RBM47: variants seen among roughly 807,000 people sequenced by gnomAD.
RBM47 encodes RNA-binding protein 47.
In RBM47, 21 loss-of-function variants were observed where a neutral mutation model predicts 47.1. That is an observed-to-expected ratio of 0.45 (90% CI 0.32 to 0.64). RBM47 has a LOEUF of 0.64. Ranked by LOEUF, RBM47 falls within the 30% of genes least tolerant of loss-of-function variation. The pLI is 0.05. For missense variants in RBM47, 708 were observed against 870.9 expected, an observed-to-expected ratio of 0.81 and a Z score of 2.35; for synonymous variants, 375 against 361.7, an observed-to-expected ratio of 1.04 and a Z score of -0.42.
intron 1 of RBM47, among the ~76,000 whole-genome samples, chr4:40,545,703 A>AAAT (rs1280692849): frequency 6.6e-6 from 1 of 151,614 alleles, no homozygotes; most frequent in Admixed American, 6.6e-5. Context: ...ATAAATAAAT[A>AAAT]AAAGAGAAAG....
chr4:40,486,474 G>A (rs543002390), intron 2 of RBM47, among the ~76,000 whole-genome samples: 6 of 152,230 alleles, frequency 3.9e-5, no homozygotes, highest in South Asian at 4.1e-4. Flanking sequence ...GATAGAAATC[G>A]AAACAGTGAG....
intron 1 of RBM47, among the ~76,000 whole-genome samples, chr4:40,570,007 C>T (rs781489418): frequency 4.6e-5 from 7 of 152,004 alleles, no homozygotes; most frequent in Admixed American, 1.3e-4. Context: ...CCACTATGTC[C>T]GGCCAAAAAT....
intron 3 of RBM47, among the ~76,000 whole-genome samples, chr4:40,465,199 G>A (rs890844587): frequency 1.8e-4 from 27 of 152,036 alleles, no homozygotes; most frequent in Admixed American, 1.2e-3. Flanking sequence ...CATCAGTGTC[G>A]CTGGCAGCCC....
chr4:40,507,420 T>C (rs927197406), intron 2 of RBM47, among the ~76,000 whole-genome samples: 3 of 152,192 alleles, frequency 2.0e-5, no homozygotes, highest in Non-Finnish European at 2.9e-5. Flanking sequence ...CAAAAATTGC[T>C]AAATGAAAGT....
chr4:40,423,669 TTTC>T lies in RBM47; in HGVS notation c.*2232_*2234del. The T allele has an allele frequency of 1.1e-5, 1 of 92,072 alleles. No homozygotes were observed. Among genetic ancestry groups the T allele is most frequent in the African/African-American group, 5.7e-5 (1 of 17,434 alleles). 5.7% of individuals were successfully genotyped at this position (92,072 alleles called of 1,614,324 possible). ...TTCTTTCTTTTTCTTTCTTTCTTTCTTTCTTTCTTTCTTTCTTTCTTTCTTTCT... is the reference window on the plus strand; with the variant it reads ...TTCTTTCTTTTTCTTTCTTTCTTTCTTTTCTTTCTTTCTTTCTTTCTTTCT... On this transcript the variant is annotated 3_prime_UTR_variant, in exon 7 of 7. Transcript: ENST00000295971.
At chr4:40,544,023 T>G (rs1728788136) in intron 2 of RBM47, 2 of 152,122 alleles carry the variant, frequency 1.3e-5, no homozygotes, top group Non-Finnish European at 2.9e-5. Context: ...CAGACCTGTT[T>G]GCATAAGGTG....
Position 40,608,985 on chromosome 4 carries a change from T to TTTTATTTATTTA in RBM47, c.-240+20399_-240+20410dup, listed in dbSNP as rs369701422. ...TTTGGCTATGTCTCCATACCTCTTC[T>TTTTATTTATTTA]TTTATTTATTTATTTATTTATTTAT... On this transcript the variant is annotated intron_variant, in intron 1 of 6. Coordinates refer to ENST00000295971, the MANE Select transcript of RBM47 (RefSeq NM_001098634.2). 1.1e-3 allele frequency among the ~76,000 whole-genome samples: 169 copies of TTTTATTTATTTA among 152,012 alleles called. 1 individual carries two copies. Among genetic ancestry groups the TTTTATTTATTTA allele is most frequent in the African/African-American group, 3.7e-3 (154 of 41,444 alleles).
intron 1 of RBM47, among the ~76,000 whole-genome samples, chr4:40,546,153 T>A (rs543647736): frequency 6.6e-6 from 1 of 152,158 alleles, no homozygotes; most frequent in African/African-American, 2.4e-5. Context: ...TTTAAGTAAA[T>A]ACTTTTTTTT....
intron 3 of RBM47, among the ~76,000 whole-genome samples, chr4:40,466,042 G>A (rs1717960865): frequency 6.6e-6 from 1 of 152,116 alleles, no homozygotes; most frequent in South Asian, 2.1e-4. Context: ...TGAGGTGGGT[G>A]AATCTCTTGA....
chr4:40,586,351 G>C (rs1578016783), intron 1 of RBM47, among the ~76,000 whole-genome samples: 1 of 152,222 alleles, frequency 6.6e-6, no homozygotes, highest in East Asian at 1.9e-4. Flanking sequence ...ACCAGAGAAA[G>C]AGAGTCTGGA....
chr4:40,611,699 G>T (rs1417283348), intron 1 of RBM47, among the ~76,000 whole-genome samples: 1 of 152,064 alleles, frequency 6.6e-6, no homozygotes, highest in Non-Finnish European at 1.5e-5. Flanking sequence ...TTGCACTCCA[G>T]CCTGGGCAAC....
intron 3 of RBM47, among the ~76,000 whole-genome samples, chr4:40,462,606 C>T (rs1236717892): frequency 6.6e-6 from 1 of 152,142 alleles, no homozygotes; most frequent in Non-Finnish European, 1.5e-5. Flanking sequence ...TCCCCAAACG[C>T]TTGCTTTCAC....
chr4:40,506,302 T>C (rs1411433245), intron 2 of RBM47, among the ~76,000 whole-genome samples: 1 of 152,214 alleles, frequency 6.6e-6, no homozygotes, highest in Non-Finnish European at 1.5e-5. Context: ...TGGGACAATG[T>C]TCAATGTCTT....
intron 2 of RBM47, among the ~76,000 whole-genome samples, chr4:40,495,087 A>G (rs1722393357): frequency 6.6e-6 from 1 of 152,058 alleles, no homozygotes; most frequent in Non-Finnish European, 1.5e-5. Flanking sequence ...GACTACAGGC[A>G]CGCCCCACCA....
rs1246104206 is a variant in RBM47, at chr4:40,569,741, C to T, written c.-239-25235G>A. On this transcript the variant is annotated intron_variant, in intron 1 of 6. Transcript: ENST00000295971. ...CATTTTTTTTTTTGAGATGGAGTCT[C>T]GCTCTGTCGCCCAGGTTGGAGTGCA... Among the ~76,000 whole-genome samples the T allele has an allele frequency of 8.7e-5, 11 of 125,968 alleles. No individual in the cohort carries two copies. In the South Asian group the frequency reaches 2.0e-3, roughly 23 times the overall value. 82.6% of individuals were successfully genotyped at this position (125,968 alleles called of 152,430 possible). A position where few individuals can be genotyped will look rare whatever the true frequency, so the allele number is the denominator to read the frequency against.
intron 2 of RBM47, among the ~76,000 whole-genome samples, chr4:40,507,010 G>GT (rs1247345438): frequency 6.6e-6 from 1 of 152,150 alleles, no homozygotes; most frequent in Non-Finnish European, 1.5e-5. Flanking sequence ...AGGCTGGAGT[G>GT]CAGTGGTGCG....
chr4:40,571,735 T>C (rs59073212), intron 1 of RBM47, among the ~76,000 whole-genome samples: 27,219 of 151,770 alleles, frequency 0.18, 2,779 homozygotes, highest in African/African-American at 0.22. Context: ...AAAGAACTTA[T>C]CTGGCTGGAC....
chr4:40,532,456 G>A (rs1230758744), intron 2 of RBM47, among the ~76,000 whole-genome samples: 1 of 150,990 alleles, frequency 6.6e-6, no homozygotes, highest in Non-Finnish European at 1.5e-5. Flanking sequence ...GGGACTACAG[G>A]CATGTGCCAC....
At chr4:40,573,839 A>AAGAAAG (rs1732034518) in intron 1 of RBM47, among the ~76,000 whole-genome samples, 1 of 150,176 alleles carries the variant, frequency 6.7e-6, no homozygotes, top group African/African-American at 2.4e-5. Flanking sequence ...AAGAAAGAGA[A>AAGAAAG]AGAAAGAAAG....
Sources: gnomAD v4.1 joint callset for allele counts (sites outside exome capture counted in the v4.1 genomes callset) on GRCh38, gnomAD v4.1.1 for gene constraint, MANE v1.5 for transcripts, NCBI Gene and HGNC (gene_info 2026-07-23, HGNC 2026-07-21) for gene names.